The following DIS3L2 variants were observed in gnomAD, a reference collection of about 807,000 sequenced individuals.
The protein encoded by DIS3L2 is DIS3 like 3'-5' exoribonuclease 2, also known as DIS3-like exonuclease 2.
A neutral mutation model predicts 97.5 loss-of-function variants in DIS3L2; 34 were observed. The observed-to-expected ratio is 0.35, with a 90% CI of 0.27 to 0.46. DIS3L2 has a LOEUF of 0.46. DIS3L2 is among the 20% of genes least tolerant of loss of function. The probability of loss-of-function intolerance (pLI) is 1.00; values close to 1 mark genes in which losing one functional copy is unlikely to be tolerated. For synonymous variants in DIS3L2, 435 were observed against 445.2 expected, an observed-to-expected ratio of 0.98 and a Z score of 0.29; for missense variants, 1,038 against 1,146.0, an observed-to-expected ratio of 0.91 and a Z score of 1.36.
chr2:232,327,441 T>G (rs1200532731), intron 14 of DIS3L2, among the ~76,000 whole-genome samples: 1 of 152,200 alleles, frequency 6.6e-6, no homozygotes, highest in African/African-American at 2.4e-5. Flanking sequence ...GGGAGAAAAG[T>G]CCAGAACCGT....
chr2:232,262,769 T>C (rs2106280285), intron 12 of DIS3L2, among the ~76,000 whole-genome samples: 1 of 151,964 alleles, frequency 6.6e-6, no homozygotes, highest in Middle Eastern at 3.4e-3. Context: ...GTTCACTCTT[T>C]TTGTCAGTGG....
rs776585118 is a variant in DIS3L2, at chr2:232,015,562, A to T, written c.101A>T (p.Asp34Val). 1 of 1,614,054 alleles carries T rather than the reference A, an allele frequency of 6.2e-7. No homozygotes were observed. The highest frequency in any genetic ancestry group is 8.5e-7 in the Non-Finnish European group (1 of 1,179,958). The change falls in exon 3 of 21, where the codon GAC becomes GTC. Residue 34 changes from aspartate (D) to valine (V), a missense_variant. By Grantham distance (152) the Asp-to-Val change is radical (BLOSUM62 -3). Coordinates refer to ENST00000325385, the MANE Select transcript of DIS3L2 (RefSeq NM_152383.5). ...CATGACATTGGTGCTTCGCCAGGTG[A>T]CAAAAAGTCAAAGAACAGGTCCACA... ...GPHDIGASPG[D>V]KKSKNRSTRG...
chr2:232,287,338 A>G (rs1451578931), intron 13 of DIS3L2, among the ~76,000 whole-genome samples: 1 of 150,934 alleles, frequency 6.6e-6, no homozygotes, highest in Admixed American at 6.6e-5. Flanking sequence ...TAGCATTACA[A>G]ATAGAAAGTT....
intron 12 of DIS3L2, among the ~76,000 whole-genome samples, chr2:232,250,053 A>G (rs957820408): frequency 2.0e-5 from 3 of 152,288 alleles, no homozygotes; most frequent in African/African-American, 2.4e-5. Context: ...AGAGAGATAC[A>G]TGAAAGAGAA....
chr2:232,048,402 A>T (rs1297072150), intron 5 of DIS3L2, among the ~76,000 whole-genome samples: 1 of 152,018 alleles, frequency 6.6e-6, no homozygotes, highest in African/African-American at 2.4e-5. Context: ...TGGAGCATCA[A>T]AAGTTCTCTC....
intron 1 of DIS3L2, among the ~76,000 whole-genome samples, chr2:231,965,997 T>C (rs1329188906): frequency 6.6e-6 from 1 of 152,130 alleles, no homozygotes; most frequent in Non-Finnish European, 1.5e-5. Flanking sequence ...CCTTTTATTT[T>C]ATCCTTCAAA....
chr2:232,250,489 G>C (rs1399264549), intron 12 of DIS3L2, among the ~76,000 whole-genome samples: 2 of 149,640 alleles, frequency 1.3e-5, no homozygotes, highest in African/African-American at 4.9e-5. Context: ...AATAGAGAAA[G>C]CCAAGAAACA....
At chr2:232,099,439 T>C (rs538075716) in intron 6 of DIS3L2, among the ~76,000 whole-genome samples, 1 of 152,264 alleles carries the variant, frequency 6.6e-6, no homozygotes, top group East Asian at 1.9e-4. Flanking sequence ...TGGTCTGAAC[T>C]CCTGGCCTCA....
At chr2:232,204,530 C>T (rs1462501593) in intron 9 of DIS3L2, among the ~76,000 whole-genome samples, 3 of 152,138 alleles carry the variant, frequency 2.0e-5, no homozygotes, top group Non-Finnish European at 4.4e-5. Flanking sequence ...AATTCTGCAG[C>T]CTCATGAACT....
intron 10 of DIS3L2, among the ~76,000 whole-genome samples, chr2:232,228,248 G>A (rs1391328283): frequency 6.6e-6 from 1 of 152,210 alleles, no homozygotes; most frequent in African/African-American, 2.4e-5. Context: ...TTATAGGCGT[G>A]AGCCACCACA....
intron 8 of DIS3L2, among the ~76,000 whole-genome samples, chr2:232,148,748 C>CT (rs34837114): frequency 0.22 from 21,933 of 98,866 alleles, 3,132 homozygotes; most frequent in African/African-American, 0.38. Context: ...AATTTTCTTT[C>CT]TTTTTTTTTT....
In DIS3L2 at chr2:232,109,779, A is replaced by G. The variant is rs142006511; in HGVS notation, c.602-20840A>G. On this transcript the variant is annotated intron_variant, in intron 6 of 20. Coordinates refer to ENST00000325385, the MANE Select transcript of DIS3L2 (RefSeq NM_152383.5). Reference sequence around the variant, plus strand: ...ATAAAAGACCTAGAAGAAATCCTAGACAATACCATTCAGGATATAGGTACC... The same window carrying G: ...ATAAAAGACCTAGAAGAAATCCTAGGCAATACCATTCAGGATATAGGTACC... Among the ~76,000 whole-genome samples the G allele has an allele frequency of 3.4e-3, 511 of 152,308 alleles. 7 individuals carry two copies. The highest frequency in any genetic ancestry group is 2.4e-3 in the Non-Finnish European group (164 of 68,024).
intron 1 of DIS3L2, among the ~76,000 whole-genome samples, chr2:232,003,036 A>G (rs1693952420): frequency 1.3e-5 from 2 of 152,204 alleles, no homozygotes; most frequent in South Asian, 2.1e-4. Context: ...GTTATGGTCA[A>G]ATTAAGCCTA....
chr2:232,045,757 C>G (rs1695223955), intron 5 of DIS3L2, among the ~76,000 whole-genome samples: 1 of 146,898 alleles, frequency 6.8e-6, no homozygotes, highest in African/African-American at 2.5e-5. Context: ...TCACTGCAAC[C>G]TCCACCTCCT....
chr2:232,156,684 TG>T (rs1208249328), intron 8 of DIS3L2, among the ~76,000 whole-genome samples: 1 of 152,214 alleles, frequency 6.6e-6, no homozygotes, highest in African/African-American at 2.4e-5. Context: ...TATTGTATCC[TG>T]GAGGATAGCA....
rs150507015 is a variant in DIS3L2 at position 232,018,686 on chromosome 2, A to C, written c.210+3015A>C. On this transcript the variant is annotated intron_variant, in intron 3 of 20. Transcript: ENST00000325385. ...CTCCCTATCCAGAGAAGAAACTTTT[A>C]TCGAGAGATTGAAGGGGGATTTAAA... 2.0e-5 allele frequency among the ~76,000 whole-genome samples: 3 copies of C among 152,030 alleles called. No homozygotes were observed. The East Asian group carries it at 5.8e-4, about 29-fold the overall frequency.
intron 1 of DIS3L2, among the ~76,000 whole-genome samples, chr2:232,005,835 C>T (rs947100557): frequency 6.6e-6 from 1 of 152,104 alleles, no homozygotes; most frequent in African/African-American, 2.4e-5. Context: ...GTAAGAGATG[C>T]GCCTGGAAGG....
At chr2:231,973,582 G>C (rs1294986244) in intron 1 of DIS3L2, among the ~76,000 whole-genome samples, 2 of 151,968 alleles carry the variant, frequency 1.3e-5, no homozygotes, top group Non-Finnish European at 2.9e-5. Context: ...ATAGAGACAG[G>C]GTCTCACTGT....
At chr2:232,147,977 C>T (rs1690266520) in intron 8 of DIS3L2, among the ~76,000 whole-genome samples, 1 of 124,590 alleles carries the variant, frequency 8.0e-6, no homozygotes, top group African/African-American at 3.1e-5. Context: ...CTCCCCTCCC[C>T]TCCCCTCCGC....
Sources: allele counts gnomAD v4.1 joint callset (sites outside exome capture counted in the v4.1 genomes callset), GRCh38; gene constraint gnomAD v4.1.1; transcripts MANE v1.5; gene names NCBI Gene and HGNC (gene_info 2026-07-23, HGNC 2026-07-21).